CYP39A1: variants seen among roughly 807,000 people sequenced by gnomAD.
The protein encoded by CYP39A1 is cytochrome P450 family 39 subfamily A member 1, also known as 24-hydroxycholesterol 7-alpha-hydroxylase.
CYP39A1 carries 49 observed loss-of-function variants against 58.1 expected under a neutral mutation model. That is an observed-to-expected ratio of 0.84 (90% confidence interval 0.67 to 1.07). CYP39A1 has a LOEUF of 1.07. Ranked by LOEUF, CYP39A1 falls within the 50% of genes least tolerant of loss-of-function variation. CYP39A1 has a pLI of 0.00. For synonymous variants in CYP39A1, 209 were observed against 187.6 expected, an observed-to-expected ratio of 1.11 and a Z score of -0.93; for missense variants, 531 against 539.4, an observed-to-expected ratio of 0.98 and a Z score of 0.16.
Position 46,652,483 on chromosome 6 carries a change from C to G in CYP39A1, c.100G>C (p.Gly34Arg). Residue 34 changes from glycine (G) to arginine (R), a missense_variant, in exon 1 of 12, where the codon GGC (glycine) becomes CGC (arginine). By Grantham distance (125) the Gly-to-Arg change is moderately radical. Transcript: ENST00000275016. ...CCAACTCCAATCCAAGGAATCCAGC[C>G]CTTGATGCACGGGGGTCTACGCAAA... ...KNLRRPPCIK[G>R]WIPWIGVGFE... The G allele has an allele frequency of 6.2e-7, 1 of 1,613,912 alleles. No individual in the cohort carries two copies. Among genetic ancestry groups the G allele is most frequent in the Non-Finnish European group, 8.5e-7 (1 of 1,179,952 alleles).
chr6:46,597,780 G>C (rs1773255479), intron 7 of CYP39A1, among the ~76,000 whole-genome samples: 1 of 152,128 alleles, frequency 6.6e-6, no homozygotes, highest in African/African-American at 2.4e-5. Context: ...GGAGGCTAGA[G>C]AAATTGGAAA....
chr6:46,622,883 C>T (rs1775054879), intron 7 of CYP39A1, among the ~76,000 whole-genome samples: 2 of 152,102 alleles, frequency 1.3e-5, no homozygotes, highest in African/African-American at 4.8e-5. Flanking sequence ...TGAAAGGCAG[C>T]TATCAAGATA....
At chr6:46,586,992 A>G (rs1349441834) in intron 10 of CYP39A1, 85 bp downstream of exon 10, 24 of 881,546 alleles carry the variant, frequency 2.7e-5, no homozygotes, top group Non-Finnish European at 3.6e-5. Context: ...ATATATATAA[A>G]GAGATTAAGC....
intron 10 of CYP39A1, chr6:46,583,188 C>T: frequency 1.0e-6 from 1 of 985,380 alleles, no homozygotes; most frequent in Non-Finnish European, 1.2e-6. Flanking sequence ...TTATTACACT[C>T]TCTTCTTATC....
rs371495406 is a variant in CYP39A1, at chr6:46,556,651, T to C, written c.1251-2797A>G. 9.9e-5 allele frequency among the ~76,000 whole-genome samples: 15 copies of C among 152,256 alleles called. No homozygotes were observed. The East Asian group carries it at 1.2e-3, about 12-fold the overall frequency. On this transcript the variant is annotated intron_variant, in intron 10 of 11. Transcript: ENST00000275016. ...TAGAGCTCTTAAATGGGTATTGCCT[T>C]AGTAGTGGGATTAGATTATTTTACA...
chr6:46,554,840 A>T (rs806503), intron 10 of CYP39A1, among the ~76,000 whole-genome samples: 28,318 of 151,812 alleles, frequency 0.19, 5,228 homozygotes, highest in African/African-American at 0.47. Context: ...ATAGCTCTTA[A>T]TTCTCCTCCT....
chr6:46,605,956 T>C (rs963966640), intron 7 of CYP39A1, among the ~76,000 whole-genome samples: 6 of 152,178 alleles, frequency 3.9e-5, no homozygotes, highest in Non-Finnish European at 8.8e-5. Context: ...AAGAAGTATC[T>C]TTCTACTTGA....
intron 8 of CYP39A1, among the ~76,000 whole-genome samples, chr6:46,592,599 A>C (rs1167139943): frequency 6.6e-6 from 1 of 152,198 alleles, no homozygotes; most frequent in Admixed American, 6.5e-5. Context: ...AATGTATACT[A>C]TATCCATATA....
intron 10 of CYP39A1, among the ~76,000 whole-genome samples, chr6:46,574,758 G>T (rs999657047): frequency 6.6e-6 from 1 of 151,998 alleles, no homozygotes; most frequent in Admixed American, 6.6e-5. Context: ...AAGGAAAAGG[G>T]TGTCATCCTG....
In CYP39A1 at chr6:46,605,124, G is replaced by A. The variant is rs538073694; in HGVS notation, c.932-9004C>T. 7.4e-4 allele frequency among the ~76,000 whole-genome samples: 112 copies of A among 152,220 alleles called. 1 individual carries two copies. The South Asian group carries it at 0.022, about 30-fold the overall frequency. On this transcript the variant is annotated intron_variant, in intron 7 of 11. Transcript: ENST00000275016. ...GGCCACATGTGGCCTGCGGACCTCA[G>A]GTTGGACAAGCTTCTTCTAGAATGT...
intron 5 of CYP39A1, among the ~76,000 whole-genome samples, chr6:46,635,257 A>C (rs1289318302): frequency 6.6e-6 from 1 of 152,240 alleles, no homozygotes; most frequent in Admixed American, 6.5e-5. Flanking sequence ...CTCTGTTCTC[A>C]GTGCTTTACA....
chr6:46,598,156 G>T (rs1773282728), intron 7 of CYP39A1, among the ~76,000 whole-genome samples: 1 of 152,094 alleles, frequency 6.6e-6, no homozygotes, highest in Non-Finnish European at 1.5e-5. Flanking sequence ...ACATGTTATT[G>T]GTGATTCACT....
At chr6:46,567,337 CAT>C (rs546524293) in intron 10 of CYP39A1, among the ~76,000 whole-genome samples, 1 of 138,318 alleles carries the variant, frequency 7.2e-6, no homozygotes. Flanking sequence ...AAAAATATTC[CAT>C]ATATATATAT....
At chr6:46,571,992 T>A (rs1023396503) in intron 10 of CYP39A1, among the ~76,000 whole-genome samples, 2 of 152,136 alleles carry the variant, frequency 1.3e-5, no homozygotes, top group African/African-American at 2.4e-5. Flanking sequence ...CTGTACTGCA[T>A]ACCTATCCAA....
intron 7 of CYP39A1, among the ~76,000 whole-genome samples, chr6:46,618,755 T>C (rs1774771036): frequency 6.6e-6 from 1 of 152,086 alleles, no homozygotes; most frequent in Non-Finnish European, 1.5e-5. Flanking sequence ...AAAATAATAT[T>C]TCTTAAATGT....
At chr6:46,565,240 G>A (rs1258652448) in intron 10 of CYP39A1, among the ~76,000 whole-genome samples, 1 of 152,100 alleles carries the variant, frequency 6.6e-6, no homozygotes, top group Non-Finnish European at 1.5e-5. Context: ...AAAAAAATAT[G>A]TTAGAAGATG....
In CYP39A1 at chr6:46,636,046, A is replaced by T. The variant is rs144159299; in HGVS notation, c.732+343T>A. On this transcript the variant is annotated intron_variant, in intron 5 of 11. Transcript: ENST00000275016. ...AACTAACGGTAGTGGCATCAACAACAAAGCCTATTTTGTAGAGCTTTGTTT... is the reference window on the plus strand; with the variant it reads ...AACTAACGGTAGTGGCATCAACAACTAAGCCTATTTTGTAGAGCTTTGTTT... Among the ~76,000 whole-genome samples the T allele has an allele frequency of 7.5e-4, 114 of 152,352 alleles. 3 individuals are homozygous for T. In the South Asian group the frequency reaches 0.012, roughly 16 times the overall value.
chr6:46,599,646 G>T (rs1308571608), intron 7 of CYP39A1, among the ~76,000 whole-genome samples: 1 of 152,098 alleles, frequency 6.6e-6, no homozygotes, highest in Non-Finnish European at 1.5e-5. Context: ...TGTCAGTTCT[G>T]GGCCCTCTTC....
chr6:46,626,471 A>T (rs899187038), intron 6 of CYP39A1, among the ~76,000 whole-genome samples: 1 of 152,190 alleles, frequency 6.6e-6, no homozygotes, highest in Middle Eastern at 3.2e-3. Flanking sequence ...TTTAAATAAT[A>T]CCAATACTCC....
Sources: allele counts gnomAD v4.1 joint callset (sites outside exome capture counted in the v4.1 genomes callset), GRCh38; gene constraint gnomAD v4.1.1; transcripts MANE v1.5; gene names NCBI Gene and HGNC (gene_info 2026-07-23, HGNC 2026-07-21).